Variants in PCYOX1 observed in about 807,000 individuals in gnomAD.
PCYOX1 encodes the protein prenylcysteine oxidase 1.
A neutral mutation model predicts 46.4 loss-of-function variants in PCYOX1; 46 were observed. The ratio of observed to expected loss-of-function variants is 0.99; its 90% confidence interval spans 0.78 to 1.27. The LOEUF is 1.27. Ranked by LOEUF, PCYOX1 falls within the 50% of genes most tolerant of loss-of-function variation. The pLI, the probability that PCYOX1 is intolerant of heterozygous loss-of-function variation, is 0.00. For missense variants in PCYOX1, 658 were observed against 628.3 expected (o/e 1.05, Z -0.51); for synonymous variants, 220 against 231.8 (o/e 0.95, Z 0.46).
chr2:70,274,023 G>A (rs894965898), intron 3 of PCYOX1, among the ~76,000 whole-genome samples: 1 of 152,082 alleles, frequency 6.6e-6, no homozygotes, highest in Non-Finnish European at 1.5e-5. Flanking sequence ...GGAGGGAAGA[G>A]CTTGTGCACT....
In PCYOX1 at chr2:70,259,016, T is replaced by C. The variant is rs62151213; in HGVS notation, c.113-344T>C. Among the ~76,000 whole-genome samples, 451 of 152,196 alleles carry C rather than the reference T, an allele frequency of 3.0e-3. 3 individuals carry two copies. Among genetic ancestry groups the C allele is most frequent in the Non-Finnish European group, 4.8e-3 (329 of 68,010 alleles). ...TAAATGGCCGTCACTTTATTAAAAA[T>C]GCGTGCTGGAAAGGTCCACCTCTAA... On this transcript the variant is annotated intron_variant, in intron 1 of 5. Transcript: ENST00000433351.
At chr2:70,264,039 T>C (rs894676341) in intron 3 of PCYOX1, among the ~76,000 whole-genome samples, 6 of 147,816 alleles carry the variant, frequency 4.1e-5, no homozygotes, top group Admixed American at 2.8e-4. Context: ...CATGGCTCAC[T>C]GCAGCCTGGA....
At position 70,277,126 on chromosome 2, in the gene PCYOX1, A is replaced by T. The variant is rs779689870; in HGVS notation, c.1252A>T (p.Ile418Phe). 8.1e-6 allele frequency: 13 copies of T among 1,614,108 alleles called. No homozygotes were observed. Among genetic ancestry groups the T allele is most frequent in the Non-Finnish European group, 1.1e-5 (13 of 1,180,046 alleles). The change falls in exon 6 of 6, where the codon ATT (isoleucine) becomes TTT (phenylalanine). Residue 418 changes from isoleucine (I) to phenylalanine (F), a missense_variant. By Grantham distance (21) the Ile-to-Phe change is conservative. Coordinates refer to ENST00000433351, the MANE Select transcript of PCYOX1 (RefSeq NM_016297.4). ...CCAAGAAACTCTTACTAAAGCACAA[A>T]TTTTAAAGCTCTTTCTGTCCTATGA... ...FSQETLTKAQILKLFLSYDYA... is the reference protein window; with the variant it reads ...FSQETLTKAQFLKLFLSYDYA...
At chr2:70,258,057 C>A (rs1168770786), upstream of PCYOX1, 1 of 847,182 alleles carries the variant, frequency 1.2e-6, no homozygotes, top group Non-Finnish European at 1.7e-6. Flanking sequence ...CTGGGCGGGG[C>A]TCGCAGGGGC....
Position 70,275,593 on chromosome 2 carries a change from G to C in PCYOX1, c.786G>C (p.Leu262=). ...GGNKLVCSGL[L]QASKSNLISG... ...ATAAACTTGTTTGCTCAGGGCTTCT[G>C]CAGGCATCCAAAAGCAATCTTATAT... Residue 262 remains leucine (L), a synonymous_variant, in exon 5 of 6, where the codon CTG becomes CTC. Transcript: ENST00000433351. The C allele has an allele frequency of 6.2e-7, 1 of 1,614,118 alleles. No individual in the cohort carries two copies. Among genetic ancestry groups the C allele is most frequent in the Non-Finnish European group, 8.5e-7 (1 of 1,179,978 alleles).
chr2:70,258,402 A>G (rs1162210737), intron 1 of PCYOX1, 126 bp downstream of exon 1: 5 of 585,508 alleles, frequency 8.5e-6, no homozygotes, highest in Admixed American at 3.9e-5. Flanking sequence ...CCAGCTGCGC[A>G]GGTCGCGCTT....
chr2:70,273,880 T>A, intron 3 of PCYOX1, among the ~76,000 whole-genome samples: 1 of 152,210 alleles, frequency 6.6e-6, no homozygotes. Flanking sequence ...GGTGCTAAGT[T>A]TTATGAGGCT....
intron 3 of PCYOX1, among the ~76,000 whole-genome samples, chr2:70,262,028 A>T (rs1381447288): frequency 6.6e-6 from 1 of 152,076 alleles, no homozygotes; most frequent in Non-Finnish European, 1.5e-5. Context: ...ATGCTTTTCT[A>T]TATTTAAACA....
At chr2:70,266,323 A>C (rs1696523137) in intron 3 of PCYOX1, among the ~76,000 whole-genome samples, 1 of 152,070 alleles carries the variant, frequency 6.6e-6, no homozygotes, top group South Asian at 2.1e-4. Context: ...CGAGCCAAGG[A>C]ATGCAGGTGG....
At position 70,276,848 on chromosome 2, in the gene PCYOX1, C is replaced by T; in HGVS notation, c.974C>T (p.Thr325Ile). The T allele has an allele frequency of 1.2e-6, 2 of 1,613,462 alleles. No homozygotes were observed. The highest frequency in any genetic ancestry group is 1.7e-6 in the Non-Finnish European group (2 of 1,179,446). ...TPLNRKMSNI[T>I]FLNFDPPIEE... is the part of the protein sequence containing the mutation. The stretch of plus-strand genomic sequence containing the variant: ...TTGAATCGAAAAATGTCGAATATTA[C>T]TTTTCTCAACTTTGATCCTCCAATT... The change falls in exon 6 of 6, where the codon ACT becomes ATT. Residue 325 changes from threonine (T) to isoleucine (I), a missense_variant. Physicochemically the swap from Thr to Ile is moderately conservative, Grantham distance 89. Coordinates refer to ENST00000433351, the MANE Select transcript of PCYOX1 (RefSeq NM_016297.4).
rs184979692 is a variant in PCYOX1, at chr2:70,276,457, C to T, written c.860-277C>T. On this transcript the variant is annotated intron_variant, in intron 5 of 5. Coordinates refer to ENST00000433351, the MANE Select transcript of PCYOX1 (RefSeq NM_016297.4). Reference sequence around the variant, plus strand: ...TCCTGACCTCGTGATCCACCCACCTCGGCCTCCCAAAGTGCTGAGATTACA... The same window carrying T: ...TCCTGACCTCGTGATCCACCCACCTTGGCCTCCCAAAGTGCTGAGATTACA... 6.5e-3 allele frequency among the ~76,000 whole-genome samples: 989 copies of T among 152,244 alleles called. 12 individuals are homozygous for T. Among genetic ancestry groups the T allele is most frequent in the African/African-American group, 0.023 (943 of 41,546 alleles).
chr2:70,273,909 G>A (rs966649433), intron 3 of PCYOX1, among the ~76,000 whole-genome samples: 3 of 152,218 alleles, frequency 2.0e-5, no homozygotes, highest in African/African-American at 7.2e-5. Flanking sequence ...TGATATAACT[G>A]TGGACTGGGA....
intron 2 of PCYOX1, among the ~76,000 whole-genome samples, chr2:70,260,825 T>C (rs1696424848): frequency 6.6e-6 from 1 of 152,182 alleles, no homozygotes; most frequent in East Asian, 1.9e-4. Flanking sequence ...CTGCTTCCGT[T>C]TCCTCCACGA....
chr2:70,276,961 G>C lies in PCYOX1; in HGVS notation c.1087G>C (p.Asp363His), dbSNP rs756127044. ...NTSIFSSRPI[D>H]KFGLNTVLTT... ...ATCTATCTTTAGCTCTAGACCCATA[G>C]ATAAATTTGGCCTTAATACAGTTTT... The change falls in exon 6 of 6, where the codon GAT becomes CAT. Residue 363 changes from aspartate (D) to histidine (H), a missense_variant. By Grantham distance (81) the Asp-to-His change is moderately conservative. Coordinates refer to ENST00000433351, the MANE Select transcript of PCYOX1 (RefSeq NM_016297.4). 3 of 1,613,388 alleles carry C rather than the reference G, an allele frequency of 1.9e-6. No individual in the cohort carries two copies. In the South Asian group the frequency reaches 3.3e-5, roughly 18 times the overall value.
chr2:70,276,701 C>T (rs1696676614), intron 5 of PCYOX1, 33 bp from the exon 6 acceptor site: 1 of 1,307,276 alleles, frequency 7.6e-7, no homozygotes. Context: ...GTTAGAAACA[C>T]TAAACAAATA....
At chr2:70,265,533 T>C (rs1696510812) in intron 3 of PCYOX1, among the ~76,000 whole-genome samples, 2 of 152,180 alleles carry the variant, frequency 1.3e-5, no homozygotes. Flanking sequence ...TTATCTCACT[T>C]TTTCAGCAAA....
intron 2 of PCYOX1, among the ~76,000 whole-genome samples, 198 bp from the exon 3 acceptor site, chr2:70,261,014 A>G (rs1191992083): frequency 2.6e-5 from 4 of 152,250 alleles, no homozygotes; most frequent in Admixed American, 6.5e-5. Flanking sequence ...TAATATTTAC[A>G]TGATCATCTG....
Position 70,275,664 on chromosome 2 carries a change from C to T in PCYOX1, c.857C>T (p.Thr286Ile), listed in dbSNP as rs1430918594. The T allele has an allele frequency of 3.7e-6, 6 of 1,612,730 alleles. No homozygotes were observed. Among genetic ancestry groups the T allele is most frequent in the African/African-American group, 2.7e-5 (2 of 74,778 alleles). ...YIEEKTKTKY[T>I]GNPTKMYEVV... ...GAGGAGAAAACAAAGACCAAGTACA[C>T]AGGTAAGCTTGAATTTCTTATTGTT... is the stretch of plus-strand genomic sequence containing the variant. The change falls in exon 5 of 6, where the codon ACA (threonine) becomes ATA (isoleucine). Residue 286 changes from threonine to isoleucine, a missense_variant and splice_region_variant. Transcript: ENST00000433351.
chr2:70,257,920 T>C, upstream of PCYOX1: 1 of 363,490 alleles, frequency 2.8e-6, no homozygotes, highest in South Asian at 5.0e-5. Flanking sequence ...CTGCCTTCGA[T>C]GTCTTCTGAA....
Sources: gnomAD v4.1 joint callset for allele counts (sites outside exome capture counted in the v4.1 genomes callset) on GRCh38, gnomAD v4.1.1 for gene constraint, MANE v1.5 for transcripts, NCBI Gene and HGNC (gene_info 2026-07-23, HGNC 2026-07-21) for gene names.